Variants in C10orf90 observed in about 807,000 individuals in gnomAD.
C10orf90 encodes the protein (E2-independent) E3 ubiquitin-conjugating enzyme FATS.
Under a neutral mutation model 62.5 loss-of-function variants are expected in C10orf90, and 56 were observed. The observed-to-expected ratio is 0.90, with a 90% CI of 0.72 to 1.12. The LOEUF (loss-of-function observed/expected upper bound fraction) is 1.12. C10orf90 is among the 50% of genes most tolerant of loss of function. C10orf90 has a pLI of 0.00. For synonymous variants in C10orf90, 386 were observed against 340.4 expected (o/e 1.13, Z -1.47); for missense variants, 970 against 880.4 (o/e 1.10, Z -1.29).
At chr10:126,433,210 A>C (rs1456460982) in intron 7 of C10orf90, among the ~76,000 whole-genome samples, 1 of 152,144 alleles carries the variant, frequency 6.6e-6, no homozygotes, top group Non-Finnish European at 1.5e-5. Context: ...ACAATTGTAA[A>C]GTTTTTATCT....
chr10:126,659,220 C>T (rs1465156168), intron 1 of C10orf90, among the ~76,000 whole-genome samples: 2 of 152,306 alleles, frequency 1.3e-5, no homozygotes, highest in South Asian at 2.1e-4. Flanking sequence ...AAAACTAGCG[C>T]AATATGAGGC....
chr10:126,618,379 C>T (rs1226640761), intron 2 of C10orf90, among the ~76,000 whole-genome samples: 1 of 152,176 alleles, frequency 6.6e-6, no homozygotes, highest in East Asian at 1.9e-4. Flanking sequence ...ACACTGTGTC[C>T]TTACTGAACA....
intron 2 of C10orf90, among the ~76,000 whole-genome samples, chr10:126,548,813 G>C (rs12360491): frequency 6.6e-6 from 1 of 151,034 alleles, no homozygotes; most frequent in African/African-American, 2.4e-5. Context: ...GGTGCTGGCA[G>C]AGGGACAGAC....
chr10:126,514,178 G>A (rs1022037478), intron 2 of C10orf90, among the ~76,000 whole-genome samples: 9 of 152,038 alleles, frequency 5.9e-5, no homozygotes, highest in Non-Finnish European at 8.8e-5. Flanking sequence ...CCATATGATC[G>A]TTTGTGTCCC....
chr10:126,665,101 G>A (rs1846599622), intron 1 of C10orf90, among the ~76,000 whole-genome samples: 1 of 152,180 alleles, frequency 6.6e-6, no homozygotes, highest in Non-Finnish European at 1.5e-5. Context: ...GGGGCTCCCA[G>A]CCTGTTGGCA....
rs771262783 is a variant in C10orf90 at position 126,519,017 on chromosome 10, G to T, written c.314-5078C>A. On this transcript the variant is annotated intron_variant, in intron 2 of 9. Coordinates refer to ENST00000488181, the MANE Select transcript of C10orf90 (RefSeq NM_001350921.2). ...GTGGGAGAGATGCTTTCTTTTTCCA[G>T]CAACTCTAAGAGAAAGTCACGGCTT... Among the ~76,000 whole-genome samples the T allele has an allele frequency of 1.2e-4, 19 of 152,268 alleles. No individual in the cohort carries two copies. The South Asian group carries it at 3.1e-3, about 25-fold the overall frequency.
chr10:126,559,889 C>A (rs1864862592), intron 2 of C10orf90, among the ~76,000 whole-genome samples: 1 of 152,134 alleles, frequency 6.6e-6, no homozygotes, highest in Admixed American at 6.6e-5. Flanking sequence ...GGAAATTCTA[C>A]TGAAATTAGA....
intron 3 of C10orf90, among the ~76,000 whole-genome samples, chr10:126,508,187 G>GAGAGAC (rs1554903925): frequency 1.3e-5 from 2 of 152,034 alleles, no homozygotes; most frequent in Non-Finnish European, 2.9e-5. Flanking sequence ...GAGAGAGAGA[G>GAGAGAC]AGAGTGTGTG....
At chr10:126,542,341 A>G (rs1047432770) in intron 2 of C10orf90, among the ~76,000 whole-genome samples, 1 of 151,950 alleles carries the variant, frequency 6.6e-6, no homozygotes, top group Non-Finnish European at 1.5e-5. Context: ...CATCTCTACT[A>G]AAAATACAAA....
At chr10:126,448,142 T>A (rs1404458898) in intron 7 of C10orf90, among the ~76,000 whole-genome samples, 1 of 150,258 alleles carries the variant, frequency 6.7e-6, no homozygotes, top group East Asian at 2.0e-4. Flanking sequence ...AATGCTAGGA[T>A]TACAGGCCTG....
chr10:126,491,464 A>T (rs559443424), intron 4 of C10orf90, among the ~76,000 whole-genome samples: 23 of 152,040 alleles, frequency 1.5e-4, no homozygotes, highest in South Asian at 6.2e-4. Flanking sequence ...GTAAAAGGAA[A>T]AAAAACAAAC....
At chr10:126,605,299 C>A (rs977684995) in intron 2 of C10orf90, among the ~76,000 whole-genome samples, 2 of 152,178 alleles carry the variant, frequency 1.3e-5, no homozygotes, top group Non-Finnish European at 2.9e-5. Context: ...GACTCCAGCG[C>A]TCTCCTCTCC....
intron 2 of C10orf90, among the ~76,000 whole-genome samples, chr10:126,599,760 T>G (rs1335601432): frequency 6.6e-6 from 1 of 152,162 alleles, no homozygotes; most frequent in East Asian, 1.9e-4. Context: ...TTTTCTCTTA[T>G]TATTTAACAA....
At chr10:126,582,563 T>C (rs1392736684) in intron 2 of C10orf90, among the ~76,000 whole-genome samples, 1 of 152,172 alleles carries the variant, frequency 6.6e-6, no homozygotes, top group Non-Finnish European at 1.5e-5. Flanking sequence ...CCAGATTCCA[T>C]TGTAATGTCT....
intron 2 of C10orf90, among the ~76,000 whole-genome samples, chr10:126,634,588 A>G (rs1191982715): frequency 1.3e-4 from 20 of 152,170 alleles, no homozygotes; most frequent in Admixed American, 1.3e-3. Flanking sequence ...CGTATTGTAC[A>G]CTTAAAAAAA....
chr10:126,618,098 A>T (rs922098262), intron 2 of C10orf90, among the ~76,000 whole-genome samples: 2 of 152,176 alleles, frequency 1.3e-5, no homozygotes, highest in African/African-American at 4.8e-5. Context: ...TCAGAAGAGA[A>T]TCTTCAAGCT....
chr10:126,590,334 G>A (rs1404878498), intron 2 of C10orf90, among the ~76,000 whole-genome samples: 2 of 152,076 alleles, frequency 1.3e-5, no homozygotes, highest in Non-Finnish European at 2.9e-5. Context: ...TCTGGATCAA[G>A]CAGACCTAAT....
intron 2 of C10orf90, among the ~76,000 whole-genome samples, chr10:126,598,933 A>G (rs1000396248): frequency 6.6e-6 from 1 of 152,156 alleles, no homozygotes; most frequent in Non-Finnish European, 1.5e-5. Flanking sequence ...TTGATGATCT[A>G]TAATTCAGCT....
At chr10:126,524,568 G>C (rs1863876422) in intron 2 of C10orf90, 1 of 935,986 alleles carries the variant, frequency 1.1e-6, no homozygotes, top group Non-Finnish European at 1.3e-6. Context: ...GCTGAAAGAT[G>C]AAAAGTTTGT....
Sources: gnomAD v4.1 joint callset for allele counts (sites outside exome capture counted in the v4.1 genomes callset) on GRCh38, gnomAD v4.1.1 for gene constraint, MANE v1.5 for transcripts, NCBI Gene and HGNC (gene_info 2026-07-23, HGNC 2026-07-21) for gene names.